The following AP2B1 variants were observed in gnomAD, a reference collection of about 807,000 sequenced individuals.
The protein encoded by AP2B1 is AP-2 complex subunit beta.
Under a neutral mutation model 102.0 loss-of-function variants are expected in AP2B1, and 23 were observed. The observed-to-expected ratio is 0.23, with a 90% CI of 0.16 to 0.32. The LOEUF is 0.32. Ranked by LOEUF, AP2B1 falls within the 10% of genes least tolerant of loss-of-function variation. The pLI is 1.00. For missense variants in AP2B1, 541 were observed against 1,157.4 expected, an observed-to-expected ratio of 0.47 and a Z score of 7.73; for synonymous variants, 381 against 421.2, an observed-to-expected ratio of 0.90 and a Z score of 1.17.
At chr17:35,592,596 G>A (rs190622910) in intron 1 of AP2B1, among the ~76,000 whole-genome samples, 3 of 152,274 alleles carry the variant, frequency 2.0e-5, no homozygotes, top group Admixed American at 6.5e-5. Flanking sequence ...AGGCTGGAGT[G>A]CAGTGGCGTG....
chr17:35,589,245 A>G (rs1043898790), intron 1 of AP2B1, among the ~76,000 whole-genome samples: 2 of 152,192 alleles, frequency 1.3e-5, no homozygotes, highest in East Asian at 3.9e-4. Context: ...TTGATTAGAA[A>G]TGAATTTGGC....
chr17:35,605,253 CT>C (rs145735360), intron 3 of AP2B1, among the ~76,000 whole-genome samples: 8 of 148,240 alleles, frequency 5.4e-5, no homozygotes, highest in African/African-American at 1.7e-4. Context: ...TTTTTTTTTC[CT>C]TTTTTTTTTA....
rs76290121 is a variant in AP2B1 at position 35,600,766 on chromosome 17, A to G, written c.143+2431A>G. 6.5e-3 allele frequency among the ~76,000 whole-genome samples: 989 copies of G among 152,330 alleles called. 25 individuals are homozygous for G. In the East Asian group the frequency reaches 0.083, roughly 13 times the overall value. On this transcript the variant is annotated intron_variant, in intron 3 of 21. Transcript: ENST00000610402. The stretch of plus-strand genomic sequence containing the variant: ...GTTTTAATTCCTGACATGGTAAAAT[A>G]TCAATAGGTATATAACCCACATGAA...
chr17:35,674,487 G>T (rs2075657842), intron 17 of AP2B1, among the ~76,000 whole-genome samples, 166 bp downstream of exon 17: 1 of 152,142 alleles, frequency 6.6e-6, no homozygotes, highest in Non-Finnish European at 1.5e-5. Context: ...CTGATTACCT[G>T]AGGTCAGGGG....
chr17:35,599,293 G>A (rs2073398766), intron 3 of AP2B1, among the ~76,000 whole-genome samples: 1 of 152,152 alleles, frequency 6.6e-6, no homozygotes, highest in Middle Eastern at 3.2e-3. Context: ...TCAGACTTTG[G>A]TATTTGGGAG....
chr17:35,606,896 A>G (rs1331653102), intron 4 of AP2B1, among the ~76,000 whole-genome samples: 1 of 151,712 alleles, frequency 6.6e-6, no homozygotes, highest in East Asian at 1.9e-4. Context: ...TAATGGGATC[A>G]TTCCCATTAA....
chr17:35,596,011 T>G (rs1192931524), intron 2 of AP2B1, among the ~76,000 whole-genome samples: 1 of 152,126 alleles, frequency 6.6e-6, no homozygotes, highest in Non-Finnish European at 1.5e-5. Flanking sequence ...TTGTAAAAGT[T>G]TGAGACTGCA....
At chr17:35,646,069 G>A (rs1443230546) in intron 12 of AP2B1, among the ~76,000 whole-genome samples, 2 of 152,104 alleles carry the variant, frequency 1.3e-5, no homozygotes, top group African/African-American at 4.8e-5. Context: ...TGCACTTTCA[G>A]TGGCATTCCT....
chr17:35,629,300 C>T (rs1243250316), intron 9 of AP2B1, among the ~76,000 whole-genome samples: 1 of 152,058 alleles, frequency 6.6e-6, no homozygotes, highest in Non-Finnish European at 1.5e-5. Context: ...CTTTATCATG[C>T]CCCTATATTA....
At chr17:35,676,182 A>AT (rs1239064606) in intron 17 of AP2B1, among the ~76,000 whole-genome samples, 1 of 152,208 alleles carries the variant, frequency 6.6e-6, no homozygotes, top group East Asian at 1.9e-4. Flanking sequence ...TTAGGCTCAT[A>AT]TTCTGGCAGA....
At chr17:35,626,518 A>AT in intron 6 of AP2B1, 103 bp from the exon 7 acceptor site, 1 of 982,518 alleles carries the variant, frequency 1.0e-6, no homozygotes, top group Non-Finnish European at 1.5e-6. Context: ...TAATTCTTTA[A>AT]TTTTTTGATA....
chr17:35,613,531 A>G (rs1322982526), intron 5 of AP2B1, among the ~76,000 whole-genome samples: 1 of 152,160 alleles, frequency 6.6e-6, no homozygotes, highest in Admixed American at 6.6e-5. Flanking sequence ...ATTTAGAAGT[A>G]AAAAAATCTC....
chr17:35,619,964 T>A (rs889994485), intron 5 of AP2B1, among the ~76,000 whole-genome samples: 2 of 152,036 alleles, frequency 1.3e-5, no homozygotes, highest in African/African-American at 4.8e-5. Context: ...TTTGGTATTT[T>A]AATTAGAGAC....
intron 14 of AP2B1, chr17:35,660,188 G>T: frequency 1.7e-6 from 1 of 593,372 alleles, no homozygotes; most frequent in Non-Finnish European, 2.1e-6. Context: ...ACTATGTTGC[G>T]TAGGCTCATC....
rs185529199 is a variant in AP2B1, at chr17:35,600,906, G to A, written c.143+2571G>A. On this transcript the variant is annotated intron_variant, in intron 3 of 21. Transcript: ENST00000610402. ...GAGCCCAGATAGAAATGGCAGCGTA[G>A]GAAATGACTCTGTATCTTCTCTTGC... 14 of 704,370 alleles carry A rather than the reference G, an allele frequency of 2.0e-5. No homozygotes were observed. The African/African-American group carries it at 2.1e-4, about 11-fold the overall frequency. The allele number at this position is 704,370 out of a possible 1,614,324, so 43.6% of individuals were successfully genotyped here.
At chr17:35,716,756 G>A (rs950349744) in intron 20 of AP2B1, among the ~76,000 whole-genome samples, 2 of 152,172 alleles carry the variant, frequency 1.3e-5, no homozygotes, top group South Asian at 4.1e-4. Context: ...CTATGGATGT[G>A]GTCATCAGTC....
chr17:35,680,060 G>T (rs587744533), intron 17 of AP2B1, among the ~76,000 whole-genome samples: 7 of 151,258 alleles, frequency 4.6e-5, no homozygotes, highest in African/African-American at 1.7e-4. Context: ...CCACGACCAC[G>T]CCCGACTAAT....
intron 16 of AP2B1, among the ~76,000 whole-genome samples, chr17:35,672,369 G>C (rs941100227): frequency 2.0e-5 from 3 of 152,122 alleles, no homozygotes; most frequent in African/African-American, 7.2e-5. Flanking sequence ...TGTCACTGGG[G>C]CTCTTCTTGT....
In AP2B1 at chr17:35,649,911, G is replaced by A. The variant is rs1486680946; in HGVS notation, c.1537-619G>A. Among the ~76,000 whole-genome samples the A allele has an allele frequency of 2.0e-5, 3 of 151,714 alleles. No homozygotes were observed. The East Asian group carries it at 5.8e-4, about 29-fold the overall frequency. On this transcript the variant is annotated intron_variant, in intron 12 of 21. Coordinates refer to ENST00000610402, the MANE Select transcript of AP2B1 (RefSeq NM_001030006.2). ...TGAGTAGATGGGACTACAGGTACAT[G>A]CGGCTCTACACCCCGCCCTGATAAT...
Sources: gnomAD v4.1 joint callset for allele counts (sites outside exome capture counted in the v4.1 genomes callset) on GRCh38, gnomAD v4.1.1 for gene constraint, MANE v1.5 for transcripts, NCBI Gene and HGNC (gene_info 2026-07-23, HGNC 2026-07-21) for gene names.